The following RFTN2 variants were observed in gnomAD, a reference collection of about 807,000 sequenced individuals.
RFTN2 encodes raftlin family member 2, also known as raftlin-2.
In RFTN2, 34 loss-of-function variants were observed where a neutral mutation model predicts 52.7. The observed-to-expected ratio is 0.64, with a 90% confidence interval of 0.49 to 0.86. RFTN2 has a LOEUF of 0.86. RFTN2 is among the 40% of genes least tolerant of loss of function. The pLI is 0.00. For synonymous variants in RFTN2, 203 were observed against 217.7 expected (o/e 0.93, Z 0.59); for missense variants, 536 against 600.1 (o/e 0.89, Z 1.12).
intron 5 of RFTN2, among the ~76,000 whole-genome samples, chr2:197,627,407 C>G (rs956207419): frequency 6.6e-6 from 1 of 152,242 alleles, no homozygotes; most frequent in Non-Finnish European, 1.5e-5. Context: ...CACTGCCTGA[C>G]TGCCCGATGC....
intron 8 of RFTN2, among the ~76,000 whole-genome samples, chr2:197,594,160 C>T (rs956753381): frequency 6.6e-6 from 1 of 151,384 alleles, no homozygotes; most frequent in African/African-American, 2.4e-5. Context: ...GTACGACAGG[C>T]ACGTGCCACC....
chr2:197,647,575 A>G (rs2106253672), intron 1 of RFTN2, among the ~76,000 whole-genome samples: 1 of 152,320 alleles, frequency 6.6e-6, no homozygotes, highest in East Asian at 1.9e-4. Context: ...GAGAAATGGC[A>G]TTTATTAGGC....
chr2:197,667,300 A>G (rs1257959746), intron 1 of RFTN2, among the ~76,000 whole-genome samples: 2 of 152,070 alleles, frequency 1.3e-5, no homozygotes, highest in Non-Finnish European at 2.9e-5. Flanking sequence ...TTATTTTTAT[A>G]TCTATCTCTC....
At chr2:197,637,494 T>C (rs1259112420) in intron 3 of RFTN2, among the ~76,000 whole-genome samples, 1 of 152,262 alleles carries the variant, frequency 6.6e-6, no homozygotes, top group African/African-American at 2.4e-5. Flanking sequence ...GAGGAATTTA[T>C]CCATTTCCTC....
intron 4 of RFTN2, among the ~76,000 whole-genome samples, chr2:197,631,508 C>G (rs1272517159): frequency 6.6e-6 from 1 of 152,096 alleles, no homozygotes; most frequent in Non-Finnish European, 1.5e-5. Flanking sequence ...TTAATACACA[C>G]TTATATAACC....
In RFTN2 at chr2:197,570,498, GCAGGCAGATCATGAGGTC is replaced by G. The variant is rs2087298437; in HGVS notation, c.*1492_*1509del. The G allele has an allele frequency of 1.3e-5, 2 of 152,234 alleles. No homozygotes were observed. Among genetic ancestry groups the G allele is most frequent in the African/African-American group, 4.8e-5 (2 of 41,452 alleles). The allele number at this position is 152,234 out of a possible 1,614,324, so 9.4% of individuals were successfully genotyped here. A position where few individuals can be genotyped will look rare whatever the true frequency, so the allele number is the denominator to read the frequency against. On this transcript the variant is annotated 3_prime_UTR_variant, in exon 9 of 9. Coordinates refer to ENST00000295049, the MANE Select transcript of RFTN2 (RefSeq NM_144629.3). Reference sequence around the variant, plus strand: ...AATCCCAGCATTTTGGGAGGACAAGGCAGGCAGATCATGAGGTCAAGAGATCGAGACCATCCTGGCCAA... The same window carrying G: ...AATCCCAGCATTTTGGGAGGACAAGGAAGAGATCGAGACCATCCTGGCCAA...
chr2:197,575,415 C>T (rs2087395468), intron 8 of RFTN2, among the ~76,000 whole-genome samples: 1 of 152,182 alleles, frequency 6.6e-6, no homozygotes, highest in South Asian at 2.1e-4. Flanking sequence ...GAAGTGGACC[C>T]TTTCCTTGTC....
At chr2:197,630,800 T>G (rs760433089) in intron 5 of RFTN2, among the ~76,000 whole-genome samples, 44 of 152,198 alleles carry the variant, frequency 2.9e-4, no homozygotes, top group Admixed American at 5.2e-4. Context: ...TTACGTTATA[T>G]TTCTGCCCAC....
At chr2:197,622,971 C>A (rs1279894317) in intron 5 of RFTN2, among the ~76,000 whole-genome samples, 1 of 152,306 alleles carries the variant, frequency 6.6e-6, no homozygotes, top group East Asian at 1.9e-4. Flanking sequence ...TGCTTATTGA[C>A]AATGTACTTG....
chr2:197,625,663 T>TCTCTC (rs745983424), intron 5 of RFTN2, among the ~76,000 whole-genome samples: 859 of 47,352 alleles, frequency 0.018, 15 homozygotes, highest in African/African-American at 0.047. Flanking sequence ...AAGAAATTCC[T>TCTCTC]CTCTCCTCTC....
intron 5 of RFTN2, among the ~76,000 whole-genome samples, chr2:197,627,361 T>C (rs1243834839): frequency 1.3e-5 from 2 of 152,222 alleles, no homozygotes; most frequent in Non-Finnish European, 2.9e-5. Flanking sequence ...ACAATTTTCT[T>C]AGTTTTGAAA....
intron 7 of RFTN2, among the ~76,000 whole-genome samples, chr2:197,608,622 ACTT>A (rs1396428362): frequency 1.4e-3 from 141 of 100,710 alleles, no homozygotes; most frequent in Non-Finnish European, 7.7e-4. Flanking sequence ...CTGGGACCAG[ACTT>A]TTTTTTTTTT....
At chr2:197,616,610 G>A (rs1010038070) in intron 6 of RFTN2, among the ~76,000 whole-genome samples, 3 of 152,018 alleles carry the variant, frequency 2.0e-5, no homozygotes, top group Admixed American at 6.6e-5. Flanking sequence ...ATTTTAACAC[G>A]AGTTCCTTAG....
chr2:197,603,328 G>A (rs142188015), intron 7 of RFTN2, among the ~76,000 whole-genome samples: 102 of 152,166 alleles, frequency 6.7e-4, no homozygotes, highest in African/African-American at 2.3e-3. Context: ...TACATTTGTC[G>A]ATTTTAAAAT....
intron 8 of RFTN2, among the ~76,000 whole-genome samples, chr2:197,575,091 G>T (rs1461045348): frequency 1.3e-5 from 2 of 152,148 alleles, no homozygotes; most frequent in African/African-American, 4.8e-5. Context: ...AATCATGGGG[G>T]TGGGTCTTTC....
intron 7 of RFTN2, among the ~76,000 whole-genome samples, chr2:197,612,325 G>A (rs1574706297): frequency 6.6e-6 from 1 of 152,180 alleles, no homozygotes. Flanking sequence ...TTAGAATTCA[G>A]TGTTTCTGAA....
intron 1 of RFTN2, among the ~76,000 whole-genome samples, chr2:197,654,104 T>G (rs2088860038): frequency 6.6e-6 from 1 of 152,212 alleles, no homozygotes; most frequent in African/African-American, 2.4e-5. Context: ...CAAGGAAAAT[T>G]AGGCTGGGCA....
intron 6 of RFTN2, among the ~76,000 whole-genome samples, chr2:197,616,644 T>C (rs1193141548): frequency 6.6e-6 from 1 of 152,124 alleles, no homozygotes. Context: ...AAGAAGTTTC[T>C]AGAACACATT....
At chr2:197,622,583 G>A (rs987787859) in intron 5 of RFTN2, among the ~76,000 whole-genome samples, 2 of 152,184 alleles carry the variant, frequency 1.3e-5, no homozygotes, top group African/African-American at 4.8e-5. Context: ...TGGGATTACA[G>A]GCGTGAGCCA....
Sources: allele counts gnomAD v4.1 joint callset (sites outside exome capture counted in the v4.1 genomes callset), GRCh38; gene constraint gnomAD v4.1.1; transcripts MANE v1.5; gene names NCBI Gene and HGNC (gene_info 2026-07-23, HGNC 2026-07-21).